Variants in POPDC1 observed in about 807,000 individuals in gnomAD.
POPDC1 encodes the protein popeye domain-containing protein 1.
At chr6:105,129,408 G>A in the POPDC1 span, 1 of 1,611,740 alleles carries the variant, frequency 6.2e-7, no homozygotes, top group Non-Finnish European at 8.5e-7. Flanking sequence ...AGATACGACA[G>A]ATGCAAAATG....
the POPDC1 span, chr6:105,115,661 T>C: frequency 8.7e-6 from 14 of 1,613,208 alleles, no homozygotes; most frequent in Non-Finnish European, 9.3e-6. Flanking sequence ...AACTCTGGAG[T>C]AGTATCAGTT....
chr6:105,111,413 C>T, the POPDC1 span, among the ~76,000 whole-genome samples: 1 of 152,230 alleles, frequency 6.6e-6, no homozygotes, highest in African/African-American at 2.4e-5. Flanking sequence ...GGTGCCCTGA[C>T]GAGCAACACC....
At chr6:105,119,204 A>AC in the POPDC1 span, among the ~76,000 whole-genome samples, 1 of 150,800 alleles carries the variant, frequency 6.6e-6, no homozygotes. Context: ...AAAAAAAAAA[A>AC]GTAGTGGTAA....
chr6:105,114,369 A>G, the POPDC1 span, among the ~76,000 whole-genome samples: 140,059 of 151,956 alleles, frequency 0.92, 64,700 homozygotes, highest in Non-Finnish European at 0.96. Context: ...AACCCTAAAA[A>G]GGAAGAAGTA....
chr6:105,128,277 T>A, the POPDC1 span, among the ~76,000 whole-genome samples: 47 of 152,368 alleles, frequency 3.1e-4, 1 homozygote, highest in East Asian at 8.5e-3. Context: ...CACTTGTTTT[T>A]GCCAATGAAA....
chr6:105,107,523 G>A, the POPDC1 span, among the ~76,000 whole-genome samples: 1 of 152,198 alleles, frequency 6.6e-6, no homozygotes, highest in Non-Finnish European at 1.5e-5. Flanking sequence ...AATAAGTGGA[G>A]TACCACGATG....
the POPDC1 span, among the ~76,000 whole-genome samples, chr6:105,135,716 A>AAGAG: frequency 6.6e-6 from 1 of 152,110 alleles, no homozygotes; most frequent in African/African-American, 2.4e-5. Flanking sequence ...CACCTTATTA[A>AAGAG]AGAGAGAGAG....
the POPDC1 span, among the ~76,000 whole-genome samples, chr6:105,109,779 A>AAAAAAAAAAAAAAAAAAAAAAAAAAAAT: frequency 6.8e-6 from 1 of 147,652 alleles, no homozygotes; most frequent in Non-Finnish European, 1.5e-5. Context: ...AAAAAAAAAA[A>AAAAAAAAAAAAAAAAAAAAAAAAAAAAT]AAAGATTAAG....
At chr6:105,117,991 G>A in the POPDC1 span, among the ~76,000 whole-genome samples, 2 of 152,126 alleles carry the variant, frequency 1.3e-5, no homozygotes, top group African/African-American at 2.4e-5. Context: ...AGGTTGCAGC[G>A]AGCCATGATC....
At chr6:105,116,773 G>T in the POPDC1 span, 1 of 1,612,356 alleles carries the variant, frequency 6.2e-7, no homozygotes, top group Non-Finnish European at 8.5e-7. Context: ...GATACCTAAA[G>T]ATTTCATACA....
At chr6:105,106,870 G>T in the POPDC1 span, among the ~76,000 whole-genome samples, 2 of 152,180 alleles carry the variant, frequency 1.3e-5, no homozygotes, top group Non-Finnish European at 2.9e-5. Flanking sequence ...GAGATACTTT[G>T]ATACAGGAAT....
chr6:105,136,981 T>C, the POPDC1 span: 1 of 152,166 alleles, frequency 6.6e-6, no homozygotes, highest in Non-Finnish European at 1.5e-5. Context: ...GGCTGGTCCC[T>C]GGCGGGGAGC....
the POPDC1 span, among the ~76,000 whole-genome samples, chr6:105,109,460 G>A: frequency 1.3e-5 from 2 of 152,034 alleles, no homozygotes; most frequent in Non-Finnish European, 2.9e-5. Flanking sequence ...TAGAGTTGGT[G>A]AGAAGGTAGT....
the POPDC1 span, among the ~76,000 whole-genome samples, chr6:105,126,790 C>T: frequency 6.6e-6 from 1 of 152,182 alleles, no homozygotes; most frequent in Non-Finnish European, 1.5e-5. Context: ...CAAATATGCA[C>T]AGCTGCAATC....
the POPDC1 span, among the ~76,000 whole-genome samples, chr6:105,127,318 T>C: frequency 1.3e-5 from 2 of 152,304 alleles, no homozygotes; most frequent in East Asian, 1.9e-4. Context: ...ACCTTACATT[T>C]TGGGGTTCCA....
chr6:105,116,566 C>T, the POPDC1 span: 1 of 670,926 alleles, frequency 1.5e-6, no homozygotes, highest in Admixed American at 3.7e-5. Flanking sequence ...ATACTTTCTC[C>T]TCTCAAGATT....
chr6:105,097,304 G>A, the POPDC1 span: 137 of 152,382 alleles, frequency 9.0e-4, no homozygotes, highest in African/African-American at 3.2e-3. Context: ...GGATTGGAAA[G>A]AGGGAAGGGA....
At chr6:105,124,984 C>A in the POPDC1 span, among the ~76,000 whole-genome samples, 6 of 152,106 alleles carry the variant, frequency 3.9e-5, no homozygotes, top group Non-Finnish European at 8.8e-5. Context: ...AATGCCAGCA[C>A]AACAGAGACT....
the POPDC1 span, among the ~76,000 whole-genome samples, chr6:105,113,977 AAAAC>A: frequency 9.2e-5 from 14 of 152,172 alleles, no homozygotes; most frequent in Admixed American, 5.9e-4. Flanking sequence ...AAACAAAACA[AAAAC>A]AAACAAAAAA....
Sources: gnomAD v4.1 joint callset for allele counts (sites outside exome capture counted in the v4.1 genomes callset) on GRCh38, gnomAD v4.1.1 for gene constraint, MANE v1.5 for transcripts, NCBI Gene and HGNC (gene_info 2026-07-23, HGNC 2026-07-21) for gene names.